The following TENM1 variants were observed in gnomAD, a reference collection of about 807,000 sequenced individuals.
The protein encoded by TENM1 is teneurin-1.
In TENM1, 35 loss-of-function variants were observed where a neutral mutation model predicts 174.8. The observed-to-expected ratio is 0.20, with a 90% CI of 0.15 to 0.27. The LOEUF is 0.27. Ranked by LOEUF, TENM1 falls within the 10% of genes least tolerant of loss-of-function variation. The pLI, the probability that TENM1 is intolerant of heterozygous loss-of-function variation, is 1.00. For missense variants in TENM1, 1,633 were observed against 2,130.1 expected, an observed-to-expected ratio of 0.77 and a Z score of 4.59; for synonymous variants, 781 against 798.7, an observed-to-expected ratio of 0.98 and a Z score of 0.37.
intron 3 of TENM1, among the ~76,000 whole-genome samples, chrX:124,812,504 G>C (rs2055804720): frequency 9.0e-6 from 1 of 111,148 alleles, no homozygotes; most frequent in African/African-American, 3.3e-5. Context: ...TATGATTAGT[G>C]ATAGTATCAT....
chrX:124,950,649 T>C (rs2058469478), intron 1 of TENM1, among the ~76,000 whole-genome samples: 1 of 111,806 alleles, frequency 8.9e-6, no homozygotes, highest in Admixed American at 9.5e-5. Context: ...ATCAACACAC[T>C]ATCACAAAAG....
At chrX:124,651,098 A>T (rs748997835) in intron 8 of TENM1, among the ~76,000 whole-genome samples, 1 of 112,045 alleles carries the variant, frequency 8.9e-6, no homozygotes, top group Non-Finnish European at 1.9e-5. Context: ...CAGCTGTAAA[A>T]TATTTTCTTG....
chrX:124,456,248 A>G (rs1042719597), intron 22 of TENM1, among the ~76,000 whole-genome samples: 2 of 112,245 alleles, frequency 1.8e-5, no homozygotes, highest in Non-Finnish European at 3.8e-5. Context: ...TCCAAATTCC[A>G]AACATACTTC....
the TENM1 span, among the ~76,000 whole-genome samples, chrX:125,201,351 C>G: frequency 1.8e-5 from 2 of 112,138 alleles, no homozygotes; most frequent in Non-Finnish European, 3.8e-5. Context: ...TACACCTAAA[C>G]GTTTGAATAT....
intron 25 of TENM1, among the ~76,000 whole-genome samples, chrX:124,415,915 A>C (rs2088688217): frequency 9.0e-6 from 1 of 111,250 alleles, no homozygotes; most frequent in South Asian, 3.9e-4. Context: ...TCCCCTCTAT[A>C]TTAGATCATT....
Position 124,594,638 on chromosome X carries a change from G to A in TENM1, c.2078-29078C>T, listed in dbSNP as rs141228411. Among the ~76,000 whole-genome samples the A allele has an allele frequency of 3.1e-4, 35 of 111,683 alleles. No homozygotes were observed. The East Asian group carries it at 7.6e-3, about 24-fold the overall frequency. On this transcript the variant is annotated intron_variant, in intron 11 of 31. Transcript: ENST00000422452. ...TGATAGATATTTTAATTTCTTTCACGATAGTAACCATTCTACTATCTATGT... is the reference window on the plus strand; with the variant it reads ...TGATAGATATTTTAATTTCTTTCACAATAGTAACCATTCTACTATCTATGT...
At chrX:124,793,289 G>T (rs770307748) in intron 3 of TENM1, among the ~76,000 whole-genome samples, 2 of 110,980 alleles carry the variant, frequency 1.8e-5, no homozygotes, top group East Asian at 5.6e-4. Flanking sequence ...AAGGGGCAAA[G>T]GGCTAAGAAA....
the TENM1 span, among the ~76,000 whole-genome samples, chrX:125,146,034 A>C: frequency 8.9e-6 from 1 of 111,958 alleles, no homozygotes; most frequent in African/African-American, 3.2e-5. Context: ...GATAAACACC[A>C]ATGTGATAAG....
chrX:124,990,545 T>C, the TENM1 span, among the ~76,000 whole-genome samples: 2 of 112,724 alleles, frequency 1.8e-5, no homozygotes, highest in Admixed American at 9.4e-5. Flanking sequence ...CAGGTGCCCA[T>C]ATGGTGTCAC....
At chrX:125,120,411 C>T in the TENM1 span, among the ~76,000 whole-genome samples, 2 of 110,705 alleles carry the variant, frequency 1.8e-5, no homozygotes, top group African/African-American at 6.6e-5. Flanking sequence ...CCTATCAACC[C>T]GTCAGCTAGG....
intron 1 of TENM1, among the ~76,000 whole-genome samples, chrX:124,944,339 G>C (rs1322612078): frequency 9.0e-6 from 1 of 111,292 alleles, no homozygotes. Context: ...TAAGCATCCT[G>C]ATTAAAAAGC....
Position 124,382,663 on chromosome X carries a change from T to C in TENM1, c.7440+7A>G. ...AGCTAAAAGGAGGTGATAAAACTTT[T>C]ACTAACCTTTCCAGGATCCCACTCT... is the stretch of plus-strand genomic sequence containing the variant. On this transcript the variant is annotated splice_region_variant and intron_variant, in intron 31 of 31. Transcript: ENST00000422452. 1 of 1,203,487 alleles carries C rather than the reference T, an allele frequency of 8.3e-7. No homozygotes were observed. Among genetic ancestry groups the C allele is most frequent in the Non-Finnish European group, 1.1e-6 (1 of 892,260 alleles).
intron 1 of TENM1, among the ~76,000 whole-genome samples, chrX:124,951,279 C>T (rs998421512): frequency 9.0e-5 from 10 of 111,039 alleles, no homozygotes; most frequent in African/African-American, 3.3e-4. Flanking sequence ...AAGCCACCTC[C>T]AAGCTTTTAG....
the TENM1 span, among the ~76,000 whole-genome samples, chrX:125,184,764 T>G: frequency 9.0e-6 from 1 of 111,518 alleles, no homozygotes; most frequent in East Asian, 2.8e-4. Flanking sequence ...AATTCACATT[T>G]GAGTAATGAT....
At chrX:124,497,313 C>T (rs771271651) in intron 19 of TENM1, 48 bp from the exon 23 acceptor site, 27 of 1,134,680 alleles carry the variant, frequency 2.4e-5, no homozygotes, top group South Asian at 5.9e-5. Flanking sequence ...GCAATTACCA[C>T]AAAATAATCT....
the TENM1 span, among the ~76,000 whole-genome samples, chrX:125,080,668 G>A: frequency 5.4e-5 from 6 of 110,672 alleles, no homozygotes; most frequent in African/African-American, 2.0e-4. Flanking sequence ...TTTGGAGCCC[G>A]AGCTAGTAAC....
chrX:124,413,616 C>T (rs953774226), intron 25 of TENM1, among the ~76,000 whole-genome samples: 4 of 112,144 alleles, frequency 3.6e-5, no homozygotes, highest in African/African-American at 1.3e-4. Flanking sequence ...CCCAGAAATA[C>T]CGACGATAAT....
chrX:125,140,365 A>G, the TENM1 span, among the ~76,000 whole-genome samples: 29 of 111,961 alleles, frequency 2.6e-4, no homozygotes, highest in South Asian at 6.7e-3. Context: ...GTTCTCACTC[A>G]TATGTGGGAG....
intron 5 of TENM1, among the ~76,000 whole-genome samples, chrX:124,700,334 C>T (rs1384394938): frequency 9.0e-6 from 1 of 111,579 alleles, no homozygotes; most frequent in African/African-American, 3.2e-5. Context: ...GAAACAAAAG[C>T]AGTTCATGTT....
Sources: gnomAD v4.1 joint callset for allele counts (sites outside exome capture counted in the v4.1 genomes callset) on GRCh38, gnomAD v4.1.1 for gene constraint, MANE v1.5 for transcripts, NCBI Gene and HGNC (gene_info 2026-07-23, HGNC 2026-07-21) for gene names.